The following ADAM32 variants were observed in gnomAD, a reference collection of about 807,000 sequenced individuals.
The protein encoded by ADAM32 is ADAM metallopeptidase domain 32, also known as disintegrin and metalloproteinase domain-containing protein 32.
ADAM32 carries 89 observed loss-of-function variants against 114.9 expected under a neutral mutation model. The ratio of observed to expected loss-of-function variants is 0.77; its 90% CI spans 0.65 to 0.92. ADAM32 has a LOEUF of 0.92. Among genes scored for constraint, ADAM32 ranks in the 40% least tolerant of loss-of-function variants. The pLI, the probability that ADAM32 is intolerant of heterozygous loss-of-function variation, is 0.00. For synonymous variants in ADAM32, 285 were observed against 307.5 expected (o/e 0.93, Z 0.77); for missense variants, 870 against 932.8 (o/e 0.93, Z 0.88).
intron 10 of ADAM32, among the ~76,000 whole-genome samples, chr8:39,178,655 T>C (rs1399633453): frequency 6.6e-6 from 1 of 152,224 alleles, no homozygotes. Context: ...GTGGGCTATC[T>C]ACCTTTGATC....
intron 19 of ADAM32, among the ~76,000 whole-genome samples, chr8:39,258,453 A>T (rs1811803628): frequency 6.6e-6 from 1 of 152,072 alleles, no homozygotes; most frequent in South Asian, 2.1e-4. Flanking sequence ...ACATTCAGTT[A>T]AAAAAATTTG....
At chr8:39,143,935 C>T (rs1803338336) in intron 3 of ADAM32, among the ~76,000 whole-genome samples, 1 of 152,192 alleles carries the variant, frequency 6.6e-6, no homozygotes, top group East Asian at 1.9e-4. Context: ...TGGCAGATGA[C>T]CCTTCCCCCA....
intron 11 of ADAM32, among the ~76,000 whole-genome samples, chr8:39,194,567 G>T (rs1011194749): frequency 6.6e-6 from 1 of 152,168 alleles, no homozygotes; most frequent in Non-Finnish European, 1.5e-5. Context: ...GCTGATATTT[G>T]TCTGTGGGGG....
At chr8:39,142,055 T>G (rs970805061) in intron 3 of ADAM32, among the ~76,000 whole-genome samples, 9 of 152,216 alleles carry the variant, frequency 5.9e-5, no homozygotes, top group East Asian at 3.8e-4. Context: ...TTGGTAGATC[T>G]TCCTCCATCC....
chr8:39,147,415 A>G (rs902607611), intron 4 of ADAM32, among the ~76,000 whole-genome samples: 6 of 151,812 alleles, frequency 4.0e-5, no homozygotes, highest in Admixed American at 3.9e-4. Flanking sequence ...CTATTTTTTA[A>G]TTTAATTGAT....
chr8:39,201,686 G>A (rs1056792383), intron 11 of ADAM32, among the ~76,000 whole-genome samples: 1 of 152,300 alleles, frequency 6.6e-6, no homozygotes. Context: ...TGGTAAGAGA[G>A]GGCATCCCTG....
intron 24 of ADAM32, among the ~76,000 whole-genome samples, chr8:39,284,378 T>TACACACACACACACACAC (rs367964426): frequency 3.5e-5 from 5 of 142,034 alleles, no homozygotes; most frequent in African/African-American, 1.0e-4. Flanking sequence ...CACACACACG[T>TACACACACACACACACAC]ACACACACAC....
intron 16 of ADAM32, among the ~76,000 whole-genome samples, chr8:39,239,477 T>A (rs1416962152): frequency 6.6e-6 from 1 of 152,146 alleles, no homozygotes; most frequent in African/African-American, 2.4e-5. Context: ...CTTTAAAGCA[T>A]AAATTTCACA....
intron 14 of ADAM32, among the ~76,000 whole-genome samples, chr8:39,231,082 T>C (rs1363481623): frequency 6.6e-6 from 1 of 152,116 alleles, no homozygotes; most frequent in Admixed American, 6.5e-5. Context: ...TTAGCTTATA[T>C]AGTAAAGGTC....
intron 14 of ADAM32, among the ~76,000 whole-genome samples, chr8:39,228,601 TC>T (rs1809545067): frequency 6.6e-6 from 1 of 152,190 alleles, no homozygotes; most frequent in Admixed American, 6.5e-5. Context: ...AAAGATATGG[TC>T]TTTGAAATAA....
chr8:39,162,707 TA>T (rs145472134), intron 7 of ADAM32, among the ~76,000 whole-genome samples: 37,381 of 151,524 alleles, frequency 0.25, 4,996 homozygotes, highest in Non-Finnish European at 0.29. Flanking sequence ...TATTCTTTAG[TA>T]AAAAAAAACC....
intron 16 of ADAM32, among the ~76,000 whole-genome samples, chr8:39,245,119 C>A (rs1361725627): frequency 6.6e-6 from 1 of 152,162 alleles, no homozygotes; most frequent in African/African-American, 2.4e-5. Flanking sequence ...GAATCCTACT[C>A]AGCCTTAAAA....
At chr8:39,201,735 G>T (rs184846427) in intron 11 of ADAM32, among the ~76,000 whole-genome samples, 264 of 152,238 alleles carry the variant, frequency 1.7e-3, no homozygotes, top group Non-Finnish European at 2.7e-3. Context: ...TCCAGTTTTT[G>T]CCCATTCAGT....
At chr8:39,151,292 TA>T (rs1325249102) in intron 5 of ADAM32, 84 bp from the exon 6 acceptor site, 33 of 1,207,410 alleles carry the variant, frequency 2.7e-5, no homozygotes, top group East Asian at 5.8e-5. Context: ...CAAAACGTTT[TA>T]TTTTTTTTTC....
chr8:39,224,139 C>G (rs1156727153), intron 14 of ADAM32: 1 of 152,170 alleles, frequency 6.6e-6, no homozygotes, highest in Non-Finnish European at 1.5e-5. Context: ...AAATAAAACT[C>G]TGACTTTCAT....
At chr8:39,183,266 C>G (rs10102672) in intron 10 of ADAM32, among the ~76,000 whole-genome samples, 34,832 of 152,050 alleles carry the variant, frequency 0.23, 4,742 homozygotes, top group East Asian at 0.52. Context: ...TTTTTCATCT[C>G]CAACTGACCC....
intron 22 of ADAM32, among the ~76,000 whole-genome samples, chr8:39,279,347 C>G (rs551415945): frequency 1.3e-5 from 2 of 152,086 alleles, no homozygotes; most frequent in African/African-American, 4.8e-5. Context: ...TGCAGTGGCG[C>G]GAGCTCAGCT....
At chr8:39,132,396 A>G (rs1313709983) in intron 2 of ADAM32, among the ~76,000 whole-genome samples, 1 of 152,228 alleles carries the variant, frequency 6.6e-6, no homozygotes, top group Non-Finnish European at 1.5e-5. Context: ...CTTTAGATTA[A>G]TACTTATTTC....
intron 15 of ADAM32, among the ~76,000 whole-genome samples, chr8:39,233,458 G>A (rs1809880456): frequency 6.6e-6 from 1 of 152,168 alleles, no homozygotes; most frequent in African/African-American, 2.4e-5. Flanking sequence ...AGAGTATAAT[G>A]AGCAATGAGG....
Sources: gnomAD v4.1 joint callset for allele counts (sites outside exome capture counted in the v4.1 genomes callset) on GRCh38, gnomAD v4.1.1 for gene constraint, MANE v1.5 for transcripts, NCBI Gene and HGNC (gene_info 2026-07-23, HGNC 2026-07-21) for gene names.